Variants in PCED1B observed in about 807,000 individuals in gnomAD.
PCED1B encodes the protein PC-esterase domain containing 1B, also known as PC-esterase domain-containing protein 1B.
For missense variants in PCED1B, 573 were observed against 573.9 expected, an observed-to-expected ratio of 1.00 and a Z score of 0.02; for synonymous variants, 251 against 246.1, an observed-to-expected ratio of 1.02 and a Z score of -0.19.
chr12:47,191,753 C>T (rs748003741), intron 2 of PCED1B, among the ~76,000 whole-genome samples: 24 of 151,784 alleles, frequency 1.6e-4, no homozygotes, highest in Non-Finnish European at 2.9e-4. Context: ...GCTGAGGGTG[C>T]GGCCTGGACA....
chr12:47,086,737 A>G (rs998302280), intron 1 of PCED1B, among the ~76,000 whole-genome samples: 1 of 152,138 alleles, frequency 6.6e-6, no homozygotes, highest in African/African-American at 2.4e-5. Flanking sequence ...AGGTCATCTG[A>G]TTGAATTCTT....
intron 2 of PCED1B, among the ~76,000 whole-genome samples, chr12:47,145,648 G>T (rs932922664): frequency 6.6e-6 from 1 of 152,142 alleles, no homozygotes; most frequent in East Asian, 1.9e-4. Flanking sequence ...CTCTGCCTGT[G>T]CTGTAGAAAT....
At chr12:47,234,893 C>G (rs1943922664) in intron 3 of PCED1B, 114 bp from the exon 4 acceptor site, 2 of 512,216 alleles carry the variant, frequency 3.9e-6, no homozygotes, top group Non-Finnish European at 6.5e-6. Context: ...TCCACTCCCT[C>G]AGGGCAGAGG....
At chr12:47,083,985 G>A (rs559792635) in intron 1 of PCED1B, among the ~76,000 whole-genome samples, 12 of 152,156 alleles carry the variant, frequency 7.9e-5, no homozygotes, top group East Asian at 5.8e-4. Flanking sequence ...TTTAAAGTGC[G>A]CAGTTCAGTG....
intron 2 of PCED1B, among the ~76,000 whole-genome samples, chr12:47,122,112 T>TA (rs1005587999): frequency 5.3e-5 from 8 of 151,906 alleles, no homozygotes; most frequent in Admixed American, 3.9e-4. Context: ...CATGAAGTTA[T>TA]AAAAAACATT....
intron 2 of PCED1B, among the ~76,000 whole-genome samples, chr12:47,195,319 T>A: frequency 7.4e-6 from 1 of 134,380 alleles, no homozygotes; most frequent in African/African-American, 2.9e-5. Flanking sequence ...ATGGAGCGAG[T>A]CTCTGTCTCA....
chr12:47,085,229 C>G (rs527284075), intron 1 of PCED1B, among the ~76,000 whole-genome samples: 1 of 152,296 alleles, frequency 6.6e-6, no homozygotes, highest in South Asian at 2.1e-4. Flanking sequence ...TTCTAAAGTT[C>G]CTTTCAGCTT....
intron 1 of PCED1B, among the ~76,000 whole-genome samples, chr12:47,080,638 G>C (rs1250758522): frequency 6.6e-6 from 1 of 152,196 alleles, no homozygotes; most frequent in Non-Finnish European, 1.5e-5. Flanking sequence ...GGCGGCAACA[G>C]GGATGGTGTC....
At chr12:47,134,561 A>G (rs1940269153) in intron 2 of PCED1B, among the ~76,000 whole-genome samples, 2 of 152,200 alleles carry the variant, frequency 1.3e-5, no homozygotes, top group African/African-American at 2.4e-5. Flanking sequence ...TTCACCTCAA[A>G]GAAAATTGCT....
At chr12:47,233,836 G>A (rs1218654458) in intron 3 of PCED1B, among the ~76,000 whole-genome samples, 1 of 152,070 alleles carries the variant, frequency 6.6e-6, no homozygotes, top group Non-Finnish European at 1.5e-5. Flanking sequence ...GGCATATTCC[G>A]GTTCTCTTCA....
intron 2 of PCED1B, among the ~76,000 whole-genome samples, chr12:47,109,334 A>G (rs1273571066): frequency 6.7e-6 from 1 of 148,900 alleles, no homozygotes; most frequent in African/African-American, 2.5e-5. Context: ...CCCTGGCTAC[A>G]CATTACAAGT....
At chr12:47,103,109 A>C (rs1938788148) in intron 1 of PCED1B, among the ~76,000 whole-genome samples, 1 of 152,234 alleles carries the variant, frequency 6.6e-6, no homozygotes, top group Non-Finnish European at 1.5e-5. Flanking sequence ...AGTTTTAAAA[A>C]AAAAATCAAA....
intron 2 of PCED1B, among the ~76,000 whole-genome samples, chr12:47,141,776 C>G (rs1187780493): frequency 6.6e-6 from 1 of 152,146 alleles, no homozygotes; most frequent in East Asian, 1.9e-4. Flanking sequence ...AAGACATGCC[C>G]CTTTATGTCA....
chr12:47,203,212 C>G (rs1942818734), intron 2 of PCED1B, among the ~76,000 whole-genome samples: 1 of 152,118 alleles, frequency 6.6e-6, no homozygotes, highest in African/African-American at 2.4e-5. Flanking sequence ...TCAGATGATC[C>G]ACCTGCCTCG....
chr12:47,101,671 G>C (rs912550356), intron 1 of PCED1B, among the ~76,000 whole-genome samples: 4 of 152,164 alleles, frequency 2.6e-5, no homozygotes, highest in Non-Finnish European at 5.9e-5. Context: ...TTTGGTCCGG[G>C]CACGGTGGCT....
In PCED1B at chr12:47,212,074, C is replaced by CA. The variant is rs34413650; in HGVS notation, c.-525-4128dup. ...TGGGAGACAGAGCGAGACTCCGTCTCAAAAAAAAAAAAAAAAAAAACCCAA... is the reference window on the plus strand; with the variant it reads ...TGGGAGACAGAGCGAGACTCCGTCTCAAAAAAAAAAAAAAAAAAAAACCCAA... On this transcript the variant is annotated intron_variant, in intron 2 of 3. Coordinates refer to ENST00000546455, the MANE Select transcript of PCED1B (RefSeq NM_138371.3). Among the ~76,000 whole-genome samples, 834 of 88,806 alleles carry CA rather than the reference C, an allele frequency of 9.4e-3. 11 individuals carry two copies. Among genetic ancestry groups the CA allele is most frequent in the South Asian group, 0.041 (109 of 2,650 alleles). 58.3% of individuals were successfully genotyped at this position (88,806 alleles called of 152,430 possible).
intron 3 of PCED1B, among the ~76,000 whole-genome samples, chr12:47,230,086 C>CTT (rs368243759): frequency 0.069 from 7,929 of 114,842 alleles, 444 homozygotes; most frequent in Non-Finnish European, 0.091. Flanking sequence ...TAATCATTTT[C>CTT]TTTTTTTTTT....
intron 1 of PCED1B, among the ~76,000 whole-genome samples, chr12:47,083,291 C>A (rs779709543): frequency 6.6e-6 from 1 of 152,046 alleles, no homozygotes; most frequent in Admixed American, 6.5e-5. Flanking sequence ...TACCACGCGT[C>A]CTGTAGTCAG....
At position 47,236,270 on chromosome 12, in the gene PCED1B, T is replaced by G. The variant is rs1324713874; in HGVS notation, c.1207T>G (p.Tyr403Asp). The change falls in exon 4 of 4, where the codon TAT (tyrosine) becomes GAT (aspartate). Residue 403 changes from tyrosine to aspartate, a missense_variant. Transcript: ENST00000546455. ...AGTGGTACATAGGGGTTTTGGCAGG[T>G]ATCGTCCCCGTGGCCCCTATACGCC... The part of the protein sequence containing the change: ...APVVHRGFGR[Y>D]RPRGPYTPWG... The G allele has an allele frequency of 6.2e-7, 1 of 1,613,958 alleles. No homozygotes were observed. The highest frequency in any genetic ancestry group is 1.1e-5 in the South Asian group (1 of 91,088).
Sources: gnomAD v4.1 joint callset for allele counts (sites outside exome capture counted in the v4.1 genomes callset) on GRCh38, gnomAD v4.1.1 for gene constraint, MANE v1.5 for transcripts, NCBI Gene and HGNC (gene_info 2026-07-23, HGNC 2026-07-21) for gene names.